PIP5K1B: variants seen among roughly 807,000 people sequenced by gnomAD.
PIP5K1B encodes the protein phosphatidylinositol-4-phosphate 5-kinase type 1 beta, also known as phosphatidylinositol 4-phosphate 5-kinase type-1 beta.
Under a neutral mutation model 67.0 loss-of-function variants are expected in PIP5K1B, and 42 were observed. The ratio of observed to expected loss-of-function variants is 0.63; its 90% confidence interval spans 0.49 to 0.81. The LOEUF (loss-of-function observed/expected upper bound fraction) is 0.81, where lower values mean the gene tolerates loss of function less well. PIP5K1B is among the 30% of genes least tolerant of loss of function. PIP5K1B has a pLI of 0.00. For synonymous variants in PIP5K1B, 214 were observed against 231.4 expected (o/e 0.92, Z 0.68); for missense variants, 459 against 646.3 (o/e 0.71, Z 3.14).
intron 14 of PIP5K1B, among the ~76,000 whole-genome samples, chr9:68,969,844 G>A (rs1439394201): frequency 2.6e-5 from 4 of 152,212 alleles, no homozygotes; most frequent in Non-Finnish European, 5.9e-5. Flanking sequence ...GGGAATCAGT[G>A]TTTGTTCAGA....
chr9:68,889,037 C>G lies in PIP5K1B; in HGVS notation c.375C>G (p.Ser125=), dbSNP rs946779570. Residue 125 remains serine (S), a synonymous_variant, in exon 7 of 16, where the codon TCC becomes TCG. Coordinates refer to ENST00000265382, the MANE Select transcript of PIP5K1B (RefSeq NM_003558.4). Reference sequence around the variant, plus strand: ...TGTCTAACCCTGGAGCCAGTGGATCCTTGTTTTTTGTGACCAGTGATGATG... The same window carrying G: ...TGTCTAACCCTGGAGCCAGTGGATCGTTGTTTTTTGTGACCAGTGATGATG... ...IELSNPGASG[S]LFFVTSDDEF... is the part of the protein sequence containing the mutation. The G allele has an allele frequency of 6.2e-7, 1 of 1,612,606 alleles. No homozygotes were observed. The highest frequency in any genetic ancestry group is 8.5e-7 in the Non-Finnish European group (1 of 1,178,816).
At chr9:68,791,912 T>A (rs1831992295) in intron 2 of PIP5K1B, among the ~76,000 whole-genome samples, 1 of 152,204 alleles carries the variant, frequency 6.6e-6, no homozygotes, top group African/African-American at 2.4e-5. Context: ...AGTTCAGTGT[T>A]TTCTGTATAT....
rs752802574 is a variant in PIP5K1B at position 68,876,733 on chromosome 9, A to C, written c.257A>C (p.Tyr86Ser). 1 of 1,611,622 alleles carries C rather than the reference A, an allele frequency of 6.2e-7. No homozygotes were observed. Among genetic ancestry groups the C allele is most frequent in the South Asian group, 1.1e-5 (1 of 91,032 alleles). ...TACCCAGACTTTAGATTTAAGACAT[A>C]CGCTCCATTAGCATTCCGATATTTC... is the stretch of plus-strand genomic sequence containing the variant. ...HHYPDFRFKT[Y>S]APLAFRYFRE... Residue 86 changes from tyrosine (Y) to serine (S), a missense_variant, in exon 6 of 16, where the codon TAC becomes TCC. By Grantham distance (144) the Tyr-to-Ser change is moderately radical. Around this residue, in one of 2 missense-constraint regions of PIP5K1B, gnomAD observed 290 missense variants for 474.4 expected, o/e 0.61. Transcript: ENST00000265382.
chr9:68,937,311 A>T (rs965519827), intron 13 of PIP5K1B, among the ~76,000 whole-genome samples: 4 of 152,142 alleles, frequency 2.6e-5, no homozygotes, highest in Non-Finnish European at 5.9e-5. Context: ...TTATTCAGGG[A>T]TTCGACTTCT....
At chr9:68,851,733 C>T (rs771423526) in intron 4 of PIP5K1B, among the ~76,000 whole-genome samples, 15 of 152,166 alleles carry the variant, frequency 9.9e-5, no homozygotes, top group Non-Finnish European at 1.6e-4. Context: ...TTAAGTGGGA[C>T]AGTTTGGCTA....
At chr9:68,878,387 T>C (rs1313912821) in intron 6 of PIP5K1B, among the ~76,000 whole-genome samples, 1 of 152,156 alleles carries the variant, frequency 6.6e-6, no homozygotes, top group Non-Finnish European at 1.5e-5. Flanking sequence ...TTTGCTTTCT[T>C]TGGGGAAGAT....
chr9:68,833,132 G>GT (rs1332431138), intron 4 of PIP5K1B, among the ~76,000 whole-genome samples: 1 of 152,212 alleles, frequency 6.6e-6, no homozygotes, highest in Admixed American at 6.5e-5. Flanking sequence ...CATTGTCATG[G>GT]TACAGACAGA....
intron 2 of PIP5K1B, chr9:68,788,257 GA>G: frequency 2.1e-6 from 1 of 483,170 alleles, no homozygotes; most frequent in Non-Finnish European, 3.7e-6. Flanking sequence ...TTTACTTTTA[GA>G]TAAGAAATGA....
intron 2 of PIP5K1B, chr9:68,781,613 A>G (rs1401942106): frequency 1.2e-5 from 2 of 166,948 alleles, no homozygotes; most frequent in Admixed American, 6.5e-5. Context: ...ACAAATTATA[A>G]AAGTTTGAAC....
chr9:68,887,033 A>G lies in PIP5K1B; in HGVS notation c.319-1948A>G, dbSNP rs767315629. Among the ~76,000 whole-genome samples, 77 of 152,282 alleles carry G rather than the reference A, an allele frequency of 5.1e-4. 1 individual carries two copies. Among genetic ancestry groups the G allele is most frequent in the Non-Finnish European group, 8.1e-4 (55 of 68,012 alleles). ...TGAAGTGCCCGTTCCCCAGATAGCC[A>G]TGTGGCTTGCTGCCTGGTCTCAACC... On this transcript the variant is annotated intron_variant, in intron 6 of 15. Transcript: ENST00000265382.
chr9:68,919,455 T>C (rs1826258286), intron 9 of PIP5K1B, 24 bp from the exon 10 acceptor site: 1 of 1,199,138 alleles, frequency 8.3e-7, no homozygotes, highest in Admixed American at 2.2e-5. Flanking sequence ...TAATCAAATA[T>C]TTTCTCTTTT....
At chr9:68,746,142 G>A (rs964046760) in intron 2 of PIP5K1B, among the ~76,000 whole-genome samples, 3 of 145,146 alleles carry the variant, frequency 2.1e-5, no homozygotes, top group Non-Finnish European at 4.5e-5. Context: ...GCAGTGGTGC[G>A]ATCTCGGCTC....
At chr9:68,974,034 T>A (rs1829519642) in intron 14 of PIP5K1B, among the ~76,000 whole-genome samples, 1 of 152,152 alleles carries the variant, frequency 6.6e-6, no homozygotes, top group South Asian at 2.1e-4. Flanking sequence ...TGTGCCACCA[T>A]GCCTGGCTAA....
intron 2 of PIP5K1B, among the ~76,000 whole-genome samples, chr9:68,793,515 T>A (rs1321440498): frequency 6.6e-6 from 1 of 152,122 alleles, no homozygotes; most frequent in Non-Finnish European, 1.5e-5. Context: ...ACCAACAGAT[T>A]TTGCTGGTAG....
chr9:68,780,084 C>CATCATCAAA, intron 2 of PIP5K1B: 1 of 1,388,972 alleles, frequency 7.2e-7, no homozygotes, highest in South Asian at 1.8e-5. Flanking sequence ...GTGGCGGCGG[C>CATCATCAAA]AGCGGCGGCG....
intron 14 of PIP5K1B, among the ~76,000 whole-genome samples, chr9:68,941,425 A>G (rs1043092572): frequency 2.6e-5 from 4 of 152,084 alleles, no homozygotes; most frequent in African/African-American, 4.8e-5. Context: ...AAGGCAGGAT[A>G]CTCCATTTGC....
chr9:68,807,153 T>C (rs1482247390), intron 2 of PIP5K1B, among the ~76,000 whole-genome samples: 1 of 152,160 alleles, frequency 6.6e-6, no homozygotes, highest in Non-Finnish European at 1.5e-5. Flanking sequence ...ATCTCATTCA[T>C]CTTGTATACC....
chr9:68,875,137 G>T (rs1330291247), intron 5 of PIP5K1B, among the ~76,000 whole-genome samples: 2 of 151,698 alleles, frequency 1.3e-5, no homozygotes, highest in African/African-American at 4.8e-5. Context: ...TCCTTACTAT[G>T]TGACTGCTCT....
intron 2 of PIP5K1B, among the ~76,000 whole-genome samples, chr9:68,764,068 T>C (rs1268461945): frequency 6.9e-6 from 1 of 144,528 alleles, no homozygotes; most frequent in African/African-American, 2.5e-5. Context: ...CCCTCTACTA[T>C]AACTTCTTTT....
Sources: allele counts gnomAD v4.1 joint callset (sites outside exome capture counted in the v4.1 genomes callset), GRCh38; gene constraint gnomAD v4.1.1; regional missense constraint gnomAD v4.1.1; transcripts MANE v1.5; gene names NCBI Gene and HGNC (gene_info 2026-07-23, HGNC 2026-07-21).